Variants in PRMT7 observed in about 807,000 individuals in gnomAD.
The protein encoded by PRMT7 is protein arginine methyltransferase 7.
Under a neutral mutation model 85.4 loss-of-function variants are expected in PRMT7, and 75 were observed. That is an observed-to-expected ratio of 0.88 (90% CI 0.73 to 1.06). The LOEUF (loss-of-function observed/expected upper bound fraction) is 1.06, where lower values mean the gene tolerates loss of function less well. Among genes scored for constraint, PRMT7 ranks in the 50% least tolerant of loss-of-function variants. The pLI, the probability that PRMT7 is intolerant of heterozygous loss-of-function variation, is 0.00. For missense variants in PRMT7, 868 were observed against 915.2 expected, an observed-to-expected ratio of 0.95 and a Z score of 0.67; for synonymous variants, 397 against 359.5, an observed-to-expected ratio of 1.10 and a Z score of -1.18.
At chr16:68,311,234 T>C in intron 1 of PRMT7, 135 bp downstream of exon 1, 1 of 492,194 alleles carries the variant, frequency 2.0e-6, no homozygotes, top group South Asian at 2.0e-5. Context: ...GTGGGGCAGC[T>C]CGGGACACCC....
At chr16:68,337,272 T>C (rs1003823607) in intron 6 of PRMT7, among the ~76,000 whole-genome samples, 187 bp from the exon 7 acceptor site, 1 of 152,106 alleles carries the variant, frequency 6.6e-6, no homozygotes, top group Non-Finnish European at 1.5e-5. Context: ...CATTTACATA[T>C]GGATTTTTTT....
chr16:68,329,096 A>C lies in PRMT7; in HGVS notation c.313A>C (p.Lys105Gln), dbSNP rs1780673552. 2.5e-6 allele frequency: 4 copies of C among 1,612,340 alleles called. No homozygotes were observed. In the African/African-American group the frequency reaches 5.3e-5, roughly 21 times the overall value. The change falls in exon 6 of 19, where the codon AAG becomes CAG. Residue 105 changes from lysine to glutamine, a missense_variant. By Grantham distance (53) the Lys-to-Gln change is moderately conservative. Coordinates refer to ENST00000441236, the MANE Select transcript of PRMT7 (RefSeq NM_019023.5). ...CAAGCCTATGGCTGATGCTGCTGTG[A>C]AGATTGTGGAGAAAAATGGCTTTAG... is the stretch of plus-strand genomic sequence containing the variant. ...VFKPMADAAV[K>Q]IVEKNGFSDK...
At position 68,324,850 on chromosome 16, in the gene PRMT7, GGT is replaced by G. The variant is rs1306417667; in HGVS notation, c.282+25_282+26del. Reference sequence around the variant, plus strand: ...CCATCGAGGTAAGCCATTCCCTTCAGGTGTGTGTCCTGCATCTTGCATGGGAA... The same window carrying G: ...CCATCGAGGTAAGCCATTCCCTTCAGGTGTGTCCTGCATCTTGCATGGGAA... On this transcript the variant is annotated intron_variant, in intron 5 of 18. Coordinates refer to ENST00000441236, the MANE Select transcript of PRMT7 (RefSeq NM_019023.5). 5.6e-6 allele frequency: 9 copies of G among 1,612,888 alleles called. No individual in the cohort carries two copies. In the African/African-American group the frequency reaches 6.7e-5, roughly 12 times the overall value.
At chr16:68,323,613 T>A (rs1479019514) in intron 4 of PRMT7, 1 of 152,246 alleles carries the variant, frequency 6.6e-6, no homozygotes, top group Non-Finnish European at 1.5e-5. Flanking sequence ...TTTCTTAATG[T>A]ATGAAAAATT....
At position 68,324,669 on chromosome 16, in the gene PRMT7, C is replaced by T; in HGVS notation, c.133-14C>T. ...ATAATAACTGGTAGTAAGTGACGGC[C>T]ATGTCTTCCTTAGAATGTAAAATAC... On this transcript the variant is annotated splice_polypyrimidine_tract_variant and intron_variant, in intron 4 of 18. Transcript: ENST00000441236. The T allele has an allele frequency of 6.2e-7, 1 of 1,613,936 alleles. No homozygotes were observed. Among genetic ancestry groups the T allele is most frequent in the Admixed American group, 1.7e-5 (1 of 60,032 alleles).
At chr16:68,313,847 A>C (rs548616601) in intron 2 of PRMT7, among the ~76,000 whole-genome samples, 9 of 152,276 alleles carry the variant, frequency 5.9e-5, no homozygotes, top group African/African-American at 2.2e-4. Context: ...ACGTAGGAGG[A>C]TCGCTTGAGT....
chr16:68,331,273 T>G (rs959627528), intron 6 of PRMT7, among the ~76,000 whole-genome samples: 1 of 152,142 alleles, frequency 6.6e-6, no homozygotes, highest in African/African-American at 2.4e-5. Context: ...ACTGTTCATG[T>G]CTTGGGGGTC....
chr16:68,349,260 A>C (rs1465060024), intron 14 of PRMT7, among the ~76,000 whole-genome samples: 3 of 150,576 alleles, frequency 2.0e-5, no homozygotes, highest in East Asian at 1.9e-4. Context: ...GCTCCGTGGC[A>C]CTCTCCCCGT....
In PRMT7 at chr16:68,321,268, C is replaced by CA. The variant is rs370073532; in HGVS notation, c.96-145dup. ...TGGGTGATGGGGTGAGACCCTGTCTCAAAAAAAAAAAAATAAATAAAGATA... is the reference window on the plus strand; with the variant it reads ...TGGGTGATGGGGTGAGACCCTGTCTCAAAAAAAAAAAAAATAAATAAAGATA... On this transcript the variant is annotated intron_variant, in intron 3 of 18. Coordinates refer to ENST00000441236, the MANE Select transcript of PRMT7 (RefSeq NM_019023.5). Among the ~76,000 whole-genome samples the CA allele has an allele frequency of 2.5e-3, 362 of 142,676 alleles. 4 individuals carry two copies. The highest frequency in any genetic ancestry group is 8.1e-3 in the African/African-American group (317 of 39,046). 93.6% of individuals were successfully genotyped at this position (142,676 alleles called of 152,430 possible).
chr16:68,345,950 G>T, intron 10 of PRMT7, 148 bp downstream of exon 10: 1 of 1,352,136 alleles, frequency 7.4e-7, no homozygotes, highest in Non-Finnish European at 1.0e-6. Flanking sequence ...GTGTGTCAGT[G>T]CCCATTCGTG....
intron 3 of PRMT7, among the ~76,000 whole-genome samples, chr16:68,320,464 T>G (rs891908727): frequency 1.3e-5 from 2 of 152,208 alleles, no homozygotes; most frequent in African/African-American, 2.4e-5. Context: ...AGGGATGGGC[T>G]CTGGCTAGTT....
intron 3 of PRMT7, among the ~76,000 whole-genome samples, chr16:68,316,437 G>GT (rs1004958794): frequency 1.3e-3 from 197 of 149,776 alleles, no homozygotes; most frequent in Middle Eastern, 3.5e-3. Flanking sequence ...AATGAAAATG[G>GT]TTTTTTTTTT....
At chr16:68,340,044 C>G in intron 9 of PRMT7, 76 bp downstream of exon 9, 1 of 1,420,370 alleles carries the variant, frequency 7.0e-7, no homozygotes, top group Non-Finnish European at 9.4e-7. Context: ...AACAGTTGAG[C>G]CTTGGACCCA....
Position 68,345,805 on chromosome 16 carries a change from A to G in PRMT7, c.1055+3A>G, listed in dbSNP as rs1470106302. ...TGGTACAGCCTGCAGAGGACCAGGT[A>G]CGTCGAGCCTCGTGGGGGTGGAGGA... is the stretch of plus-strand genomic sequence containing the variant. On this transcript the variant is annotated splice_donor_region_variant and intron_variant, in intron 10 of 18. Coordinates refer to ENST00000441236, the MANE Select transcript of PRMT7 (RefSeq NM_019023.5). The G allele has an allele frequency of 3.7e-6, 6 of 1,613,832 alleles. No homozygotes were observed. Among genetic ancestry groups the G allele is most frequent in the Non-Finnish European group, 5.1e-6 (6 of 1,179,948 alleles).
chr16:68,347,164 T>G (rs561787986), intron 11 of PRMT7, 47 bp from the exon 12 acceptor site: 22 of 1,527,578 alleles, frequency 1.4e-5, no homozygotes, highest in Middle Eastern at 1.7e-4. Context: ...AGGAATCTTC[T>G]GGCAAACTGG....
chr16:68,328,603 A>G lies in PRMT7; in HGVS notation c.283-463A>G, dbSNP rs138796429. 2.3e-3 allele frequency: 382 copies of G among 166,404 alleles called. 5 individuals are homozygous for G. The South Asian group carries it at 0.03, about 13-fold the overall frequency. 10.3% of individuals were successfully genotyped at this position (166,404 alleles called of 1,614,324 possible). On this transcript the variant is annotated intron_variant, in intron 5 of 18. Transcript: ENST00000441236. ...CCAAGGGTCTTAAAATGTATCCCCC[A>G]TGGACAAGAGGCACTGCTGCACCAT...
chr16:68,333,144 CACCAT>C (rs1312213063), intron 6 of PRMT7, among the ~76,000 whole-genome samples: 2 of 152,122 alleles, frequency 1.3e-5, no homozygotes, highest in Non-Finnish European at 2.9e-5. Context: ...AGGCAGGCGC[CACCAT>C]ACCCAACTAA....
rs1208725413 is a variant in PRMT7 at position 68,355,618 on chromosome 16, G to A, written c.1651-105G>A. The stretch of plus-strand genomic sequence containing the variant: ...GCGCTCGGCATCTTTATGGGAGAAC[G>A]CACACCCCTTGTGACTGCAGTCAGT... On this transcript the variant is annotated intron_variant, in intron 16 of 18. Transcript: ENST00000441236. The A allele has an allele frequency of 4.9e-6, 6 of 1,213,810 alleles. No homozygotes were observed. The African/African-American group carries it at 6.3e-5, about 13-fold the overall frequency. 75.2% of individuals were successfully genotyped at this position (1,213,810 alleles called of 1,614,324 possible). A position where few individuals can be genotyped will look rare whatever the true frequency, so the allele number is the denominator to read the frequency against.
chr16:68,338,141 G>A (rs956857794), intron 7 of PRMT7, among the ~76,000 whole-genome samples: 1 of 152,172 alleles, frequency 6.6e-6, no homozygotes, highest in Non-Finnish European at 1.5e-5. Flanking sequence ...TATGCAGGCA[G>A]ATGTGTGGAG....
Sources: allele counts gnomAD v4.1 joint callset (sites outside exome capture counted in the v4.1 genomes callset), GRCh38; gene constraint gnomAD v4.1.1; transcripts MANE v1.5; gene names NCBI Gene and HGNC (gene_info 2026-07-23, HGNC 2026-07-21).